Variants in PTPRM observed in about 807,000 individuals in gnomAD.
PTPRM encodes receptor-type tyrosine-protein phosphatase mu.
A neutral mutation model predicts 186.7 loss-of-function variants in PTPRM; 47 were observed. That is an observed-to-expected ratio of 0.25 (90% confidence interval 0.20 to 0.32). The LOEUF is 0.32. PTPRM is among the 10% of genes least tolerant of loss of function. The pLI is 1.00. For synonymous variants in PTPRM, 668 were observed against 674.9 expected (o/e 0.99, Z 0.16); for missense variants, 1,494 against 1,865.0 (o/e 0.80, Z 3.66).
At chr18:8,085,989 C>A in intron 10 of PTPRM, 117 bp downstream of exon 10, 1 of 933,890 alleles carries the variant, frequency 1.1e-6, no homozygotes, top group Non-Finnish European at 1.7e-6. Context: ...AAGGAATACT[C>A]CTGGATGCCT....
At chr18:7,755,789 AC>A (rs1163770002) in intron 1 of PTPRM, among the ~76,000 whole-genome samples, 1 of 152,168 alleles carries the variant, frequency 6.6e-6, no homozygotes, top group Non-Finnish European at 1.5e-5. Context: ...CTGGTCCTTT[AC>A]CTGCTGCTCG....
chr18:8,160,905 T>G (rs1303737060), intron 14 of PTPRM, among the ~76,000 whole-genome samples: 2 of 152,200 alleles, frequency 1.3e-5, no homozygotes, highest in Non-Finnish European at 2.9e-5. Flanking sequence ...AAAAGGCCGC[T>G]TAGTGTAAGT....
At chr18:7,661,229 A>C (rs117324426) in intron 1 of PTPRM, among the ~76,000 whole-genome samples, 3,328 of 152,304 alleles carry the variant, frequency 0.022, 49 homozygotes, top group Non-Finnish European at 0.035. Flanking sequence ...AACACTCAGA[A>C]TATTCATATT....
chr18:8,039,355 CAA>C (rs967482752), intron 7 of PTPRM, among the ~76,000 whole-genome samples: 81 of 151,978 alleles, frequency 5.3e-4, no homozygotes, highest in African/African-American at 1.9e-3. Flanking sequence ...AATATTTCCA[CAA>C]AGTTTAAATG....
intron 1 of PTPRM, among the ~76,000 whole-genome samples, chr18:7,770,377 A>G (rs1056596244): frequency 6.6e-6 from 1 of 152,182 alleles, no homozygotes; most frequent in African/African-American, 2.4e-5. Context: ...TCATCTTCTC[A>G]TGAAGTGCAA....
chr18:7,817,120 A>G (rs1463547353), intron 2 of PTPRM, among the ~76,000 whole-genome samples: 1 of 151,944 alleles, frequency 6.6e-6, no homozygotes, highest in Non-Finnish European at 1.5e-5. Flanking sequence ...GATTACAGAC[A>G]TGTGCCACTA....
intron 7 of PTPRM, among the ~76,000 whole-genome samples, chr18:7,960,480 T>TAC (rs74175819): frequency 2.4e-3 from 209 of 86,558 alleles, no homozygotes; most frequent in Non-Finnish European, 3.6e-3. Flanking sequence ...TATATATATA[T>TAC]ACACACACAC....
chr18:7,884,924 CAAAAAAAAAAAAAAA>C (rs56724615), intron 2 of PTPRM, among the ~76,000 whole-genome samples: 5 of 37,850 alleles, frequency 1.3e-4, no homozygotes, highest in Admixed American at 1.2e-3. Flanking sequence ...AGCTCCATCT[CAAAAAAAAAAAAAAA>C]AAAAAAAAAA....
At chr18:8,007,858 G>C (rs2084282966) in intron 7 of PTPRM, among the ~76,000 whole-genome samples, 1 of 152,180 alleles carries the variant, frequency 6.6e-6, no homozygotes. Flanking sequence ...ATTGTTTCTG[G>C]TGGTAGATTC....
At chr18:7,849,737 A>G (rs2046774591) in intron 2 of PTPRM, among the ~76,000 whole-genome samples, 1 of 152,212 alleles carries the variant, frequency 6.6e-6, no homozygotes, top group East Asian at 1.9e-4. Context: ...TGCTGCAGAA[A>G]TTAGCAGTGA....
At chr18:8,373,902 A>T (rs1335421698) in intron 24 of PTPRM, among the ~76,000 whole-genome samples, 1 of 151,986 alleles carries the variant, frequency 6.6e-6, no homozygotes, top group East Asian at 1.9e-4. Flanking sequence ...AAAAAAAAAA[A>T]TTAAGTGACT....
chr18:7,610,304 T>C (rs909616414), intron 1 of PTPRM, among the ~76,000 whole-genome samples: 2 of 152,220 alleles, frequency 1.3e-5, no homozygotes, highest in African/African-American at 4.8e-5. Context: ...GAATTTCACG[T>C]AATTTTTAAA....
chr18:7,748,959 G>A (rs899806175), intron 1 of PTPRM: 18 of 152,180 alleles, frequency 1.2e-4, no homozygotes, highest in Non-Finnish European at 7.3e-5. Context: ...TTAAACTCTA[G>A]TATAATTTCA....
intron 2 of PTPRM, among the ~76,000 whole-genome samples, chr18:7,807,572 A>G (rs565964962): frequency 3.2e-4 from 48 of 152,356 alleles, no homozygotes; most frequent in African/African-American, 1.1e-3. Flanking sequence ...AAAGGCAGCT[A>G]GAAAAGAAGG....
In PTPRM at chr18:8,175,436, A is replaced by G. The variant is rs531614430; in HGVS notation, c.2300+31657A>G. ...AGACAAAAAAGACTCCACAATTCCT[A>G]TATAAGCTTCAGTGTATAATTACTT... is the stretch of plus-strand genomic sequence containing the variant. On this transcript the variant is annotated intron_variant, in intron 14 of 32. Coordinates refer to ENST00000580170, the MANE Select transcript of PTPRM (RefSeq NM_001105244.2). Among the ~76,000 whole-genome samples, 72 of 152,324 alleles carry G rather than the reference A, an allele frequency of 4.7e-4. 1 individual carries two copies. Among genetic ancestry groups the G allele is most frequent in the African/African-American group, 1.6e-3 (65 of 41,570 alleles).
chr18:8,247,298 T>C (rs375426593), intron 15 of PTPRM, among the ~76,000 whole-genome samples: 71 of 152,304 alleles, frequency 4.7e-4, no homozygotes, highest in African/African-American at 1.6e-3. Flanking sequence ...TTCAGAGGAA[T>C]ATTTTAAAGA....
chr18:7,900,748 A>C (rs1339214637), intron 3 of PTPRM, among the ~76,000 whole-genome samples: 1 of 152,222 alleles, frequency 6.6e-6, no homozygotes, highest in Non-Finnish European at 1.5e-5. Context: ...TTATCCCTGA[A>C]AGGGAGCTAA....
At chr18:8,366,502 G>A (rs1011680009) in intron 23 of PTPRM, among the ~76,000 whole-genome samples, 16 of 152,188 alleles carry the variant, frequency 1.1e-4, no homozygotes, top group Non-Finnish European at 2.1e-4. Flanking sequence ...GGCAGCCTCG[G>A]GAGCCACAGC....
intron 22 of PTPRM, among the ~76,000 whole-genome samples, chr18:8,331,276 A>G (rs542637912): frequency 6.6e-6 from 1 of 152,202 alleles, no homozygotes; most frequent in Admixed American, 6.5e-5. Flanking sequence ...TTTCAATTCT[A>G]AGAGCAAGTC....
Sources: gnomAD v4.1 joint callset for allele counts (sites outside exome capture counted in the v4.1 genomes callset) on GRCh38, gnomAD v4.1.1 for gene constraint, MANE v1.5 for transcripts, NCBI Gene and HGNC (gene_info 2026-07-23, HGNC 2026-07-21) for gene names.